The following MROH9 variants were observed in gnomAD, a reference collection of about 807,000 sequenced individuals.
MROH9 encodes maestro heat like repeat family member 9, also known as maestro heat-like repeat-containing protein family member 9.
In MROH9, 92 loss-of-function variants were observed where a neutral mutation model predicts 98.2. The observed-to-expected ratio is 0.94, with a 90% CI of 0.79 to 1.11. The LOEUF is 1.11. Ranked by LOEUF, MROH9 falls within the 50% of genes most tolerant of loss-of-function variation. MROH9 has a pLI of 0.00. For missense variants in MROH9, 1,057 were observed against 1,014.8 expected, an observed-to-expected ratio of 1.04 and a Z score of -0.57; for synonymous variants, 397 against 368.9, an observed-to-expected ratio of 1.08 and a Z score of -0.87.
rs759555210 is a variant in MROH9, at chr1:171,064,290, A to T, written c.2536A>T (p.Ile846Leu). 173 of 1,551,254 alleles carry T rather than the reference A, an allele frequency of 1.1e-4. No individual in the cohort carries two copies. Among genetic ancestry groups the T allele is most frequent in the Non-Finnish European group, 1.5e-4 (170 of 1,146,728 alleles). The change falls in exon 22 of 22, where the codon ATA becomes TTA. Residue 846 changes from isoleucine (I) to leucine (L), a missense_variant. Coordinates refer to ENST00000367759, the MANE Select transcript of MROH9 (RefSeq NM_001163629.2). ...LYNYNSPNGQ[I>L]DSPTDSKDVK... ...CAATTATAACTCACCCAATGGCCAGATAGACAGTCCTACAGACAGTAAAGA... is the reference window on the plus strand; with the variant it reads ...CAATTATAACTCACCCAATGGCCAGTTAGACAGTCCTACAGACAGTAAAGA...
Position 170,989,903 on chromosome 1 carries a change from T to A in MROH9, c.928T>A (p.Cys310Ser), listed in dbSNP as rs1320478031. 6.2e-7 allele frequency: 1 copy of A among 1,612,512 alleles called. No individual in the cohort carries two copies. Among genetic ancestry groups the A allele is most frequent in the African/African-American group, 1.3e-5 (1 of 74,860 alleles). ...TTACAGGCAACTGTGTGATAACAAT[T>A]GTATGAAGGATGTTATGTTGCAGGT... ...AIYRQLCDNN[C>S]MKDVMLQVIT... The change falls in exon 11 of 22, where the codon TGT becomes AGT. Residue 310 changes from cysteine to serine, a missense_variant. Coordinates refer to ENST00000367759, the MANE Select transcript of MROH9 (RefSeq NM_001163629.2).
Position 171,024,722 on chromosome 1 carries a change from A to C in MROH9, c.2135A>C (p.Asn712Thr). 1 of 1,551,192 alleles carries C rather than the reference A, an allele frequency of 6.4e-7. No individual in the cohort carries two copies. Among genetic ancestry groups the C allele is most frequent in the Middle Eastern group, 1.7e-4 (1 of 5,974 alleles). ...ACATCACGTTTGCTCAAAGATGAAA[A>C]TTACAGTTTTGAGATGGTGGTGCTC... Reference protein sequence around the residue: ...WSTSRLLKDENYSFEMVVLNI... With the variant: ...WSTSRLLKDETYSFEMVVLNI... The change falls in exon 19 of 22, where the codon AAT becomes ACT. Residue 712 changes from asparagine to threonine, a missense_variant. By Grantham distance (65) the Asn-to-Thr change is moderately conservative. Transcript: ENST00000367759.
At chr1:171,044,969 GATCTTTTTTTTTTTTTTT>G (rs1653416741) in intron 20 of MROH9, among the ~76,000 whole-genome samples, 1 of 51,590 alleles carries the variant, frequency 1.9e-5, no homozygotes, top group Non-Finnish European at 4.2e-5. Flanking sequence ...TTTCTGCTCT[GATCTTTTTTTTTTTTTTT>G]TTTTTTTTTT....
At chr1:170,959,180 C>A (rs1649908280) in intron 4 of MROH9, among the ~76,000 whole-genome samples, 1 of 151,952 alleles carries the variant, frequency 6.6e-6, no homozygotes. Context: ...TCGAGACCAT[C>A]CTAGCTAACA....
chr1:171,051,426 A>G (rs60060281), intron 20 of MROH9, among the ~76,000 whole-genome samples: 32,737 of 152,070 alleles, frequency 0.22, 5,565 homozygotes, highest in African/African-American at 0.48. Context: ...GAATGAGATC[A>G]TGTCCTTTGC....
chr1:170,972,546 C>T (rs1250084609), intron 8 of MROH9, among the ~76,000 whole-genome samples: 2 of 152,146 alleles, frequency 1.3e-5, no homozygotes, highest in African/African-American at 4.8e-5. Context: ...CACAGTGGCT[C>T]ACGCCTATAA....
intron 15 of MROH9, among the ~76,000 whole-genome samples, chr1:171,011,411 C>T (rs1387700612): frequency 1.3e-5 from 2 of 149,666 alleles, no homozygotes; most frequent in African/African-American, 2.5e-5. Context: ...AAAGAATTAC[C>T]TTTGATCCTG....
In MROH9 at chr1:170,986,641, T is replaced by C; in HGVS notation, c.810T>C (p.Asp270=). The C allele has an allele frequency of 1.2e-6, 2 of 1,613,948 alleles. No homozygotes were observed. The highest frequency in any genetic ancestry group is 1.7e-6 in the Non-Finnish European group (2 of 1,179,920). The stretch of plus-strand genomic sequence containing the variant: ...TGATGAAACTCTCTTCACCTGATGA[T>C]AAAATCGCATCTGATGCAGCATCCA... ...SLLMKLSSPD[D]KIASDAASIL... Residue 270 remains aspartate, a synonymous_variant, in exon 10 of 22, where the codon GAT becomes GAC. Transcript: ENST00000367759.
chr1:170,987,615 A>T (rs956014369), intron 10 of MROH9, among the ~76,000 whole-genome samples: 1 of 152,212 alleles, frequency 6.6e-6, no homozygotes, highest in Non-Finnish European at 1.5e-5. Context: ...TATATTGTGC[A>T]ATGCCAGTTA....
chr1:171,007,529 G>C (rs1315721964), intron 15 of MROH9, among the ~76,000 whole-genome samples: 1 of 152,194 alleles, frequency 6.6e-6, no homozygotes, highest in Non-Finnish European at 1.5e-5. Flanking sequence ...TGCAGGATAG[G>C]CATGTTCCTA....
intron 21 of MROH9, among the ~76,000 whole-genome samples, chr1:171,063,470 T>A (rs1654072885): frequency 6.6e-6 from 1 of 151,818 alleles, no homozygotes; most frequent in Admixed American, 6.6e-5. Flanking sequence ...GCCAGGATGG[T>A]CTCGATCTCC....
At chr1:170,938,784 G>T (rs548824525) in intron 1 of MROH9, among the ~76,000 whole-genome samples, 2 of 152,236 alleles carry the variant, frequency 1.3e-5, no homozygotes, top group Non-Finnish European at 2.9e-5. Flanking sequence ...TATGATGGAC[G>T]CAGTCCAATG....
chr1:171,049,448 G>A (rs550049507), intron 20 of MROH9, among the ~76,000 whole-genome samples: 25 of 152,118 alleles, frequency 1.6e-4, no homozygotes, highest in South Asian at 8.3e-4. Flanking sequence ...CTGTTAGAGC[G>A]GGGAGTAAAA....
chr1:170,958,277 A>G (rs1011555364), intron 3 of MROH9, among the ~76,000 whole-genome samples, 184 bp from the exon 4 acceptor site: 5 of 152,212 alleles, frequency 3.3e-5, no homozygotes, highest in African/African-American at 1.2e-4. Context: ...TTAGGCAAAC[A>G]TACTATTGTA....
intron 15 of MROH9, among the ~76,000 whole-genome samples, chr1:171,005,136 C>T (rs1455917711): frequency 6.6e-6 from 1 of 152,166 alleles, no homozygotes; most frequent in African/African-American, 2.4e-5. Context: ...ATGATCTTGA[C>T]TTACTGCAAC....
chr1:171,044,408 C>T (rs67527382), intron 20 of MROH9, among the ~76,000 whole-genome samples: 22,341 of 152,084 alleles, frequency 0.15, 1,972 homozygotes, highest in African/African-American at 0.24. Flanking sequence ...ATCAGAGATA[C>T]TGGCCCATAG....
At chr1:170,988,904 A>G (rs1036808497) in intron 10 of MROH9, among the ~76,000 whole-genome samples, 3 of 152,174 alleles carry the variant, frequency 2.0e-5, no homozygotes, top group African/African-American at 7.2e-5. Context: ...TAGGAAGAGG[A>G]CAACTAGAAG....
Position 171,050,103 on chromosome 1 carries a change from T to C in MROH9, c.2282-12029T>C, listed in dbSNP as rs1653617993. On this transcript the variant is annotated intron_variant, in intron 20 of 21. Coordinates refer to ENST00000367759, the MANE Select transcript of MROH9 (RefSeq NM_001163629.2). ...ATGGATTGTCTGTTTACTCAGCTGA[T>C]TATTTCTTTCACTGTGCAGAAACTT... Among the ~76,000 whole-genome samples the C allele has an allele frequency of 2.6e-5, 4 of 152,236 alleles. No homozygotes were observed. In the South Asian group the frequency reaches 8.3e-4, roughly 32 times the overall value.
intron 20 of MROH9, among the ~76,000 whole-genome samples, chr1:171,061,178 C>T (rs1653999068): frequency 6.6e-6 from 1 of 152,076 alleles, no homozygotes; most frequent in African/African-American, 2.4e-5. Flanking sequence ...GATATTATCA[C>T]CAAACCCATG....
Sources: gnomAD v4.1 joint callset for allele counts (sites outside exome capture counted in the v4.1 genomes callset) on GRCh38, gnomAD v4.1.1 for gene constraint, MANE v1.5 for transcripts, NCBI Gene and HGNC (gene_info 2026-07-23, HGNC 2026-07-21) for gene names.